Variants in ZDHHC18 observed in about 807,000 individuals in gnomAD.
ZDHHC18 encodes zDHHC palmitoyltransferase 18.
ZDHHC18 carries 23 observed loss-of-function variants against 37.5 expected under a neutral mutation model. The ratio of observed to expected loss-of-function variants is 0.61; its 90% CI spans 0.44 to 0.87. The LOEUF is 0.87. ZDHHC18 is among the 40% of genes least tolerant of loss of function. The pLI is 0.00. For synonymous variants in ZDHHC18, 185 were observed against 218.7 expected (o/e 0.85, Z 1.36); for missense variants, 406 against 525.6 (o/e 0.77, Z 2.22).
intron 7 of ZDHHC18, chr1:26,853,184 G>A (rs1042113847): frequency 1.0e-4 from 30 of 287,304 alleles, no homozygotes; most frequent in African/African-American, 5.6e-4. Context: ...CCCACTGCCT[G>A]GACTGGGTGG....
chr1:26,853,246 G>A (rs894992256), intron 7 of ZDHHC18: 2 of 254,258 alleles, frequency 7.9e-6, no homozygotes, highest in African/African-American at 4.4e-5. Flanking sequence ...GCCCTGCTGG[G>A]TCACTCCCTG....
intron 1 of ZDHHC18, among the ~76,000 whole-genome samples, chr1:26,830,123 G>A (rs886386411): frequency 1.3e-5 from 2 of 152,196 alleles, no homozygotes; most frequent in East Asian, 1.9e-4. Flanking sequence ...ATCTGATGAC[G>A]GAGACTTCAG....
intron 2 of ZDHHC18, among the ~76,000 whole-genome samples, chr1:26,843,192 G>A (rs1311468972): frequency 6.7e-6 from 1 of 150,008 alleles, no homozygotes; most frequent in Non-Finnish European, 1.5e-5. Context: ...ACCCAGGCTG[G>A]AATGCAATGG....
intron 2 of ZDHHC18, among the ~76,000 whole-genome samples, chr1:26,842,694 A>G (rs928690624): frequency 6.6e-6 from 1 of 152,260 alleles, no homozygotes; most frequent in Non-Finnish European, 1.5e-5. Flanking sequence ...GCTTAGTTCC[A>G]TTTTAAACAT....
intron 2 of ZDHHC18, among the ~76,000 whole-genome samples, chr1:26,846,997 G>A (rs2081671904): frequency 6.6e-6 from 1 of 151,812 alleles, no homozygotes; most frequent in Non-Finnish European, 1.5e-5. Context: ...CCGGGTTCAA[G>A]CGATTCTCCT....
At chr1:26,835,518 T>C (rs948625564) in intron 2 of ZDHHC18, among the ~76,000 whole-genome samples, 1 of 152,170 alleles carries the variant, frequency 6.6e-6, no homozygotes, top group South Asian at 2.1e-4. Context: ...CTGGCCAACA[T>C]GGTGAAACCC....
chr1:26,843,649 G>A (rs192190592), intron 2 of ZDHHC18, among the ~76,000 whole-genome samples: 1 of 151,702 alleles, frequency 6.6e-6, no homozygotes, highest in East Asian at 2.0e-4. Context: ...AATTATCTGG[G>A]CGTAGTGGCA....
At chr1:26,830,141 A>T (rs902380054) in intron 1 of ZDHHC18, among the ~76,000 whole-genome samples, 10 of 152,238 alleles carry the variant, frequency 6.6e-5, no homozygotes, top group Admixed American at 6.5e-5. Flanking sequence ...CAGAAGCAGC[A>T]TGCAGGTGCC....
chr1:26,840,743 A>G (rs1485186868), intron 2 of ZDHHC18, among the ~76,000 whole-genome samples: 1 of 146,106 alleles, frequency 6.8e-6, no homozygotes, highest in Non-Finnish European at 1.5e-5. Flanking sequence ...TGTCCAGCCT[A>G]TTTATTTTAA....
At chr1:26,827,898 C>G (rs1263164920) in intron 1 of ZDHHC18, among the ~76,000 whole-genome samples, 1 of 152,182 alleles carries the variant, frequency 6.6e-6, no homozygotes, top group Non-Finnish European at 1.5e-5. Flanking sequence ...CCCCTGGCCC[C>G]CCTGCTGACC....
intron 2 of ZDHHC18, among the ~76,000 whole-genome samples, chr1:26,844,868 T>A (rs1218982291): frequency 6.6e-6 from 1 of 152,112 alleles, no homozygotes; most frequent in African/African-American, 2.4e-5. Flanking sequence ...GTATTTGTAT[T>A]CAGTTGTCTG....
intron 5 of ZDHHC18, 23 bp from the exon 6 acceptor site, chr1:26,851,106 T>C (rs2081701638): frequency 2.5e-6 from 4 of 1,608,648 alleles, no homozygotes; most frequent in Non-Finnish European, 1.7e-6. Context: ...CCTCCACCCA[T>C]TGAAGTCCTT....
At chr1:26,851,269 C>CT in intron 6 of ZDHHC18, 38 bp downstream of exon 6, 1 of 1,589,214 alleles carries the variant, frequency 6.3e-7, no homozygotes, top group Non-Finnish European at 8.6e-7. Context: ...TCTAGGGCAG[C>CT]GCCCTCAGGA....
chr1:26,843,349 C>T (rs1355273023), intron 2 of ZDHHC18, among the ~76,000 whole-genome samples: 1 of 150,120 alleles, frequency 6.7e-6, no homozygotes, highest in Non-Finnish European at 1.5e-5. Flanking sequence ...CCAGGTTGGC[C>T]AGGCTGGTCT....
intron 1 of ZDHHC18, among the ~76,000 whole-genome samples, chr1:26,830,224 C>A (rs2081581637): frequency 6.6e-6 from 1 of 152,208 alleles, no homozygotes; most frequent in South Asian, 2.1e-4. Flanking sequence ...CCGTCATCTC[C>A]TTACCTGATC....
At position 26,856,443 on chromosome 1, in the gene ZDHHC18, T is replaced by C. The variant is rs544641115; in HGVS notation, c.*2600T>C. 1.4e-5 allele frequency: 4 copies of C among 280,964 alleles called. No homozygotes were observed. Among genetic ancestry groups the C allele is most frequent in the Non-Finnish European group, 3.1e-5 (4 of 129,580 alleles). The allele number at this position is 280,964 out of a possible 1,614,324, so 17.4% of individuals were successfully genotyped here. ...CCCGCTAAGCAGAAGGATCGGGATA[T>C]AGGGCAAGGCTAAAAGCCCAGCCCC... On this transcript the variant is annotated 3_prime_UTR_variant, in exon 8 of 8. Coordinates refer to ENST00000374142, the MANE Select transcript of ZDHHC18 (RefSeq NM_032283.3). The surrounding 1 kb of genome is among the most constrained non-coding windows in gnomAD (Gnocchi z 5.2).
intron 2 of ZDHHC18, among the ~76,000 whole-genome samples, chr1:26,833,177 TGAG>T (rs1163993613): frequency 1.6e-4 from 25 of 152,128 alleles, no homozygotes; most frequent in Non-Finnish European, 1.0e-4. Context: ...GCTTGACAGT[TGAG>T]GAGGAGGAAA....
intron 2 of ZDHHC18, among the ~76,000 whole-genome samples, chr1:26,833,529 G>T (rs1262438638): frequency 6.6e-6 from 1 of 152,182 alleles, no homozygotes; most frequent in Non-Finnish European, 1.5e-5. Context: ...GTGGCAAACA[G>T]CCTGGGCGTG....
intron 2 of ZDHHC18, among the ~76,000 whole-genome samples, chr1:26,845,216 C>G (rs551023323): frequency 6.6e-6 from 1 of 150,888 alleles, no homozygotes; most frequent in African/African-American, 2.4e-5. Context: ...TAAGCCAAGG[C>G]GCCCAGCCCT....
Sources: allele counts gnomAD v4.1 joint callset (sites outside exome capture counted in the v4.1 genomes callset), GRCh38; gene constraint gnomAD v4.1.1; non-coding constraint Gnocchi (gnomAD v3.1); transcripts MANE v1.5; gene names NCBI Gene and HGNC (gene_info 2026-07-23, HGNC 2026-07-21).